Variants in PAX5 observed in about 807,000 individuals in gnomAD.
PAX5 encodes paired box protein Pax-5.
Under a neutral mutation model 43.7 loss-of-function variants are expected in PAX5, and 9 were observed. That is an observed-to-expected ratio of 0.21 (90% CI 0.12 to 0.36). The LOEUF (loss-of-function observed/expected upper bound fraction) is 0.36. Ranked by LOEUF, PAX5 falls within the 10% of genes least tolerant of loss-of-function variation. The pLI, the probability that PAX5 is intolerant of heterozygous loss-of-function variation, is 1.00. For missense variants in PAX5, 383 were observed against 532.7 expected (o/e 0.72, Z 2.77); for synonymous variants, 228 against 214.3 (o/e 1.06, Z -0.56).
At chr9:36,975,901 C>G (rs1835384282) in intron 5 of PAX5, among the ~76,000 whole-genome samples, 1 of 152,190 alleles carries the variant, frequency 6.6e-6, no homozygotes, top group African/African-American at 2.4e-5. Flanking sequence ...GAGCCCATGT[C>G]CCATTTACCT....
intron 5 of PAX5, among the ~76,000 whole-genome samples, chr9:36,978,191 G>C (rs570818186): frequency 6.6e-6 from 1 of 152,370 alleles, no homozygotes; most frequent in African/African-American, 2.4e-5. Flanking sequence ...CACAGGGCAA[G>C]TCTGTTCTCT....
chr9:36,863,952 T>C (rs1824514437), intron 8 of PAX5, among the ~76,000 whole-genome samples: 1 of 152,070 alleles, frequency 6.6e-6, no homozygotes, highest in Non-Finnish European at 1.5e-5. Flanking sequence ...CTACTAAAAA[T>C]ACAAAAATTA....
At chr9:36,928,280 C>G (rs551148991) in intron 6 of PAX5, among the ~76,000 whole-genome samples, 13 of 152,222 alleles carry the variant, frequency 8.5e-5, no homozygotes, top group Non-Finnish European at 1.0e-4. Flanking sequence ...AGACACTGTC[C>G]TACCTCCGCC....
At chr9:36,998,462 T>C (rs1331808183) in intron 5 of PAX5, among the ~76,000 whole-genome samples, 1 of 152,212 alleles carries the variant, frequency 6.6e-6, no homozygotes, top group African/African-American at 2.4e-5. Context: ...CCCTCGTTAC[T>C]AATTGTGAAC....
intron 6 of PAX5, among the ~76,000 whole-genome samples, chr9:36,933,891 A>T (rs1831331646): frequency 6.7e-6 from 1 of 149,200 alleles, no homozygotes; most frequent in South Asian, 2.1e-4. Context: ...TCCATCTGTC[A>T]TGAGGGAGAT....
chr9:37,033,888 C>G, intron 1 of PAX5, 98 bp downstream of exon 1: 1 of 1,029,708 alleles, frequency 9.7e-7, no homozygotes. Flanking sequence ...TACGAAAATG[C>G]GGCGCGCCCC....
chr9:36,941,093 A>G (rs1417850563), intron 6 of PAX5, among the ~76,000 whole-genome samples: 1 of 152,216 alleles, frequency 6.6e-6, no homozygotes, highest in East Asian at 1.9e-4. Flanking sequence ...AGGGTAAGAG[A>G]AAGCACGGAT....
At chr9:36,855,506 C>CT (rs949761866) in intron 8 of PAX5, among the ~76,000 whole-genome samples, 1 of 66,742 alleles carries the variant, frequency 1.5e-5, no homozygotes, top group African/African-American at 4.3e-5. Context: ...GTACAAATGA[C>CT]CCCCCTGAAG....
chr9:36,922,081 T>C (rs947398478), intron 7 of PAX5, among the ~76,000 whole-genome samples: 12 of 152,302 alleles, frequency 7.9e-5, no homozygotes, highest in African/African-American at 2.9e-4. Flanking sequence ...GCCACCTGAC[T>C]GGCCCTTACG....
chr9:37,024,125 C>T (rs7874488), intron 1 of PAX5, among the ~76,000 whole-genome samples: 12,973 of 152,204 alleles, frequency 0.085, 1,426 homozygotes, highest in African/African-American at 0.25. Context: ...TCATATTCTG[C>T]AAAATGGGTG....
intron 7 of PAX5, among the ~76,000 whole-genome samples, chr9:36,914,959 C>G (rs1217942540): frequency 6.6e-6 from 1 of 152,182 alleles, no homozygotes; most frequent in Non-Finnish European, 1.5e-5. Flanking sequence ...ATCTTAGACA[C>G]TTATTTACAT....
intron 2 of PAX5, among the ~76,000 whole-genome samples, chr9:37,016,324 A>G (rs919232159): frequency 3.9e-5 from 6 of 152,240 alleles, no homozygotes; most frequent in Non-Finnish European, 8.8e-5. Context: ...GTAAAATTAA[A>G]AGGAATGTTG....
At chr9:37,003,154 TAA>T (rs67081521) in intron 4 of PAX5, among the ~76,000 whole-genome samples, 48,298 of 75,530 alleles carry the variant, frequency 0.64, 16,074 homozygotes, top group Middle Eastern at 0.73. Context: ...AGTCAGTGCT[TAA>T]AAAAAAAAAA....
At chr9:36,854,613 C>A (rs577382252) in intron 8 of PAX5, among the ~76,000 whole-genome samples, 1 of 152,204 alleles carries the variant, frequency 6.6e-6, no homozygotes, top group Non-Finnish European at 1.5e-5. Context: ...ACTGCACCCA[C>A]GCCAAGCCTC....
At chr9:36,846,729 C>T in intron 9 of PAX5, 114 bp downstream of exon 9, 1 of 679,876 alleles carries the variant, frequency 1.5e-6, no homozygotes, top group East Asian at 2.7e-5. Flanking sequence ...GGGCAAGCTA[C>T]CCACCCACCT....
chr9:36,884,820 G>A (rs1021894883), intron 7 of PAX5, among the ~76,000 whole-genome samples: 16 of 152,200 alleles, frequency 1.1e-4, no homozygotes, highest in Non-Finnish European at 2.2e-4. Flanking sequence ...CTCCAGCCTT[G>A]TGCAGGACTT....
intron 6 of PAX5, among the ~76,000 whole-genome samples, chr9:36,947,976 A>T (rs1252262171): frequency 6.6e-6 from 1 of 152,050 alleles, no homozygotes; most frequent in Non-Finnish European, 1.5e-5. Flanking sequence ...TATCACTGAG[A>T]CATTCCCTGA....
In PAX5 at chr9:36,836,613, G is replaced by T; in HGVS notation, c.*3947C>A. The T allele has an allele frequency of 4.3e-6, 1 of 232,934 alleles. No homozygotes were observed. 14.4% of individuals were successfully genotyped at this position (232,934 alleles called of 1,614,324 possible). ...CACCGTACTGTCTGGTGCGCTGCCC[G>T]AGTGGCAAGGCTACACCACCCCGTT... On this transcript the variant is annotated 3_prime_UTR_variant, in exon 10 of 10. Coordinates refer to ENST00000358127, the MANE Select transcript of PAX5 (RefSeq NM_016734.3).
Position 36,908,878 on chromosome 9 carries a change from G to A in PAX5, c.910+14477C>T, listed in dbSNP as rs1238885757. On this transcript the variant is annotated intron_variant, in intron 7 of 9. Coordinates refer to ENST00000358127, the MANE Select transcript of PAX5 (RefSeq NM_016734.3). ...ATAAATATAAGGTCAGAAACAACTG[G>A]AGTACTTTCCACTGAAATTATTTTT... 2.6e-5 allele frequency among the ~76,000 whole-genome samples: 4 copies of A among 152,152 alleles called. No homozygotes were observed. In the South Asian group the frequency reaches 8.3e-4, roughly 32 times the overall value.
Sources: allele counts gnomAD v4.1 joint callset (sites outside exome capture counted in the v4.1 genomes callset), GRCh38; gene constraint gnomAD v4.1.1; transcripts MANE v1.5; gene names NCBI Gene and HGNC (gene_info 2026-07-23, HGNC 2026-07-21).